GNB1L: variants seen among roughly 807,000 people sequenced by gnomAD.
GNB1L encodes the protein G protein subunit beta 1 like.
Under a neutral mutation model 29.1 loss-of-function variants are expected in GNB1L, and 20 were observed. The observed-to-expected ratio is 0.69, with a 90% CI of 0.48 to 1.00. The LOEUF (loss-of-function observed/expected upper bound fraction) is 1.00. GNB1L is among the 50% of genes least tolerant of loss of function. GNB1L has a pLI of 0.00. For synonymous variants in GNB1L, 193 were observed against 206.5 expected (o/e 0.93, Z 0.56); for missense variants, 421 against 464.9 (o/e 0.91, Z 0.87).
At chr22:19,850,545 C>A in intron 2 of GNB1L, 1 of 1,098,944 alleles carries the variant, frequency 9.1e-7, no homozygotes, top group Non-Finnish European at 1.1e-6. Flanking sequence ...TTCCTGCATC[C>A]AAACCTTCCA....
intron 7 of GNB1L, among the ~76,000 whole-genome samples, chr22:19,796,051 G>A (rs1280595865): frequency 5.3e-5 from 8 of 152,140 alleles, no homozygotes; most frequent in Non-Finnish European, 1.2e-4. Flanking sequence ...GAAGGTTGGA[G>A]GTAAAATGAT....
chr22:19,839,631 C>A (rs1337707854), intron 2 of GNB1L, among the ~76,000 whole-genome samples: 1 of 151,922 alleles, frequency 6.6e-6, no homozygotes, highest in African/African-American at 2.4e-5. Context: ...GTAATCCCAG[C>A]ACTTTGGGAG....
intron 2 of GNB1L, among the ~76,000 whole-genome samples, chr22:19,853,604 G>C (rs941366043): frequency 6.6e-6 from 1 of 152,092 alleles, no homozygotes; most frequent in African/African-American, 2.4e-5. Flanking sequence ...CCCCCTCAGG[G>C]TGAGTTCCTC....
intron 7 of GNB1L, among the ~76,000 whole-genome samples, chr22:19,795,937 G>C (rs1937301366): frequency 6.6e-6 from 1 of 152,280 alleles, no homozygotes; most frequent in African/African-American, 2.4e-5. Context: ...TCCAGAAGGA[G>C]GTCTTGAGAT....
In GNB1L at chr22:19,786,153, A is replaced by G. The variant is rs1419243310; in HGVS notation, c.*2556T>C. 1 of 152,280 alleles carries G rather than the reference A, an allele frequency of 6.6e-6. No individual in the cohort carries two copies. Among genetic ancestry groups the G allele is most frequent in the African/African-American group, 2.4e-5 (1 of 41,458 alleles). The allele number at this position is 152,280 out of a possible 1,614,324, so 9.4% of individuals were successfully genotyped here. A position where few individuals can be genotyped will look rare whatever the true frequency, so the allele number is the denominator to read the frequency against. On this transcript the variant is annotated 3_prime_UTR_variant, in exon 8 of 8. Transcript: ENST00000329517. ...CAAGGGGGGCCCTATCTGCCTAGCC[A>G]CCCAGATGCGGGCACGTGGCCCCGT... is the stretch of plus-strand genomic sequence containing the variant.
intron 2 of GNB1L, among the ~76,000 whole-genome samples, chr22:19,839,775 G>A (rs1467621361): frequency 6.6e-6 from 1 of 152,014 alleles, no homozygotes; most frequent in Non-Finnish European, 1.5e-5. Flanking sequence ...ACCTGCTCAG[G>A]AGGCTGAGAC....
chr22:19,822,298 A>G (rs1937585912), intron 2 of GNB1L, among the ~76,000 whole-genome samples: 1 of 152,134 alleles, frequency 6.6e-6, no homozygotes, highest in African/African-American at 2.4e-5. Flanking sequence ...GCTCCTTAGG[A>G]GAGCTGCGGT....
intron 2 of GNB1L, chr22:19,846,427 G>A (rs1238847090): frequency 1.8e-5 from 18 of 985,142 alleles, no homozygotes; most frequent in African/African-American, 3.5e-5. Context: ...GCCAAGGCTT[G>A]GCCATCCCCA....
At position 19,806,479 on chromosome 22, in the gene GNB1L, C is replaced by T. The variant is rs138872781; in HGVS notation, c.516+180G>A. Among the ~76,000 whole-genome samples, 806 of 152,354 alleles carry T rather than the reference C, an allele frequency of 5.3e-3. 4 individuals carry two copies. Among genetic ancestry groups the T allele is most frequent in the Admixed American group, 9.9e-3 (152 of 15,308 alleles). On this transcript the variant is annotated intron_variant, in intron 6 of 7. Transcript: ENST00000329517. ...CTCTCCTGGGGCACTGACAGGAGGCCCCTTGCAGCAGCAGGAAGCAGAGGG... is the reference window on the plus strand; with the variant it reads ...CTCTCCTGGGGCACTGACAGGAGGCTCCTTGCAGCAGCAGGAAGCAGAGGG...
intron 7 of GNB1L, among the ~76,000 whole-genome samples, chr22:19,790,389 C>T (rs1047681921): frequency 2.6e-5 from 4 of 151,990 alleles, no homozygotes; most frequent in South Asian, 2.1e-4. Context: ...ACCTCATCCC[C>T]GAGAGATTAT....
At chr22:19,803,597 C>G (rs1313324659) in intron 6 of GNB1L, among the ~76,000 whole-genome samples, 1 of 152,232 alleles carries the variant, frequency 6.6e-6, no homozygotes, top group East Asian at 1.9e-4. Context: ...CAGGGACCCA[C>G]AGTACTTTCC....
intron 2 of GNB1L, chr22:19,852,001 G>A: frequency 6.2e-7 from 1 of 1,614,198 alleles, no homozygotes; most frequent in Middle Eastern, 1.6e-4. Context: ...GTCGGGAGCT[G>A]GGCATGTGCC....
chr22:19,850,140 C>T, intron 2 of GNB1L: 1 of 985,624 alleles, frequency 1.0e-6, no homozygotes, highest in Non-Finnish European at 1.2e-6. Flanking sequence ...GAAACCACAG[C>T]TGCAATGCTG....
chr22:19,796,513 T>C (rs184661782), intron 7 of GNB1L, among the ~76,000 whole-genome samples: 1 of 152,270 alleles, frequency 6.6e-6, no homozygotes, highest in Non-Finnish European at 1.5e-5. Context: ...ACAATGTTAA[T>C]TAAGTTAGAA....
Position 19,788,733 on chromosome 22 carries a change from G to C in GNB1L, c.960C>G (p.Leu320=). The C allele has an allele frequency of 6.2e-7, 1 of 1,611,294 alleles. No homozygotes were observed. The highest frequency in any genetic ancestry group is 8.5e-7 in the Non-Finnish European group (1 of 1,178,762). Residue 320 remains leucine (L), a synonymous_variant, in exon 8 of 8, where the codon CTC becomes CTG. Coordinates refer to ENST00000329517, the MANE Select transcript of GNB1L (RefSeq NM_053004.3). ...GTCATGCGCGTGGGTAGAGTGACCA[G>C]AGGCTGATCCGCTGATCCTTGGAGC... is the stretch of plus-strand genomic sequence containing the variant. ...AAGSKDQRIS[L]WSLYPRA is the part of the protein sequence containing the mutation.
chr22:19,849,457 C>T (rs1047160587), intron 2 of GNB1L: 1 of 330,918 alleles, frequency 3.0e-6, no homozygotes, highest in Non-Finnish European at 4.3e-6. Flanking sequence ...CACCCTCTGC[C>T]TCCTGGGTTC....
chr22:19,848,873 C>T, intron 2 of GNB1L: 1 of 985,446 alleles, frequency 1.0e-6, no homozygotes, highest in Non-Finnish European at 1.2e-6. Flanking sequence ...GGTGGCCTGT[C>T]CAGAAGCCTG....
intron 6 of GNB1L, among the ~76,000 whole-genome samples, chr22:19,805,928 C>T (rs928826409): frequency 5.3e-5 from 8 of 152,228 alleles, no homozygotes; most frequent in Admixed American, 5.2e-4. Context: ...CACGGGATCA[C>T]TTGCTCTGCA....
chr22:19,835,576 A>C (rs1009252410), intron 2 of GNB1L, among the ~76,000 whole-genome samples: 29 of 152,086 alleles, frequency 1.9e-4, no homozygotes, highest in Non-Finnish European at 4.4e-5. Flanking sequence ...CAGGAGGCTG[A>C]GGCAGAAGAA....
Sources: allele counts gnomAD v4.1 joint callset (sites outside exome capture counted in the v4.1 genomes callset), GRCh38; gene constraint gnomAD v4.1.1; transcripts MANE v1.5; gene names NCBI Gene and HGNC (gene_info 2026-07-23, HGNC 2026-07-21).